The following TMEM117 variants were observed in gnomAD, a reference collection of about 807,000 sequenced individuals.
TMEM117 encodes transmembrane protein 117.
In TMEM117, 27 loss-of-function variants were observed where a neutral mutation model predicts 52.4. The ratio of observed to expected loss-of-function variants is 0.51; its 90% CI spans 0.38 to 0.71. The LOEUF is 0.71. Among genes scored for constraint, TMEM117 ranks in the 30% least tolerant of loss-of-function variants. TMEM117 has a pLI of 0.00. For synonymous variants in TMEM117, 215 were observed against 206.3 expected, an observed-to-expected ratio of 1.04 and a Z score of -0.36; for missense variants, 556 against 630.5, an observed-to-expected ratio of 0.88 and a Z score of 1.26.
At chr12:43,811,833 C>T in the TMEM117 span, among the ~76,000 whole-genome samples, 1 of 152,146 alleles carries the variant, frequency 6.6e-6, no homozygotes, top group Non-Finnish European at 1.5e-5. Flanking sequence ...AATAGAGAAG[C>T]AAATCAGCTG....
At chr12:44,150,924 C>A (rs1467107410) in intron 4 of TMEM117, among the ~76,000 whole-genome samples, 4 of 152,112 alleles carry the variant, frequency 2.6e-5, no homozygotes, top group African/African-American at 9.7e-5. Context: ...AAAATTCTGG[C>A]TTTCACTGTA....
chr12:44,301,411 G>T (rs780362815), intron 6 of TMEM117, among the ~76,000 whole-genome samples: 1 of 152,084 alleles, frequency 6.6e-6, no homozygotes, highest in Non-Finnish European at 1.5e-5. Flanking sequence ...TCATAACAAT[G>T]TAAAATGTTA....
chr12:44,102,679 T>C (rs923009865), intron 3 of TMEM117, among the ~76,000 whole-genome samples: 2 of 151,994 alleles, frequency 1.3e-5, no homozygotes, highest in Non-Finnish European at 2.9e-5. Flanking sequence ...TCTACCTATT[T>C]TTTTGGTCTT....
At chr12:44,117,048 C>A (rs930090685) in intron 3 of TMEM117, among the ~76,000 whole-genome samples, 1 of 152,178 alleles carries the variant, frequency 6.6e-6, no homozygotes, top group African/African-American at 2.4e-5. Context: ...AGTAAACTCT[C>A]TCCCTTGTAC....
chr12:44,348,910 A>T (rs1485394683), intron 6 of TMEM117, among the ~76,000 whole-genome samples: 2 of 151,978 alleles, frequency 1.3e-5, no homozygotes, highest in Admixed American at 1.3e-4. Context: ...ATTGAATGTC[A>T]GTCAGAGAGG....
intron 5 of TMEM117, among the ~76,000 whole-genome samples, chr12:44,281,445 A>G (rs943145822): frequency 6.6e-6 from 1 of 151,908 alleles, no homozygotes; most frequent in African/African-American, 2.4e-5. Flanking sequence ...TTGAGATGCA[A>G]CTCAGACATA....
In TMEM117 at chr12:43,936,699, G is replaced by A. The variant is rs553356997; in HGVS notation, c.278-7511G>A. Among the ~76,000 whole-genome samples, 121 of 152,236 alleles carry A rather than the reference G, an allele frequency of 7.9e-4. 2 individuals carry two copies. The highest frequency in any genetic ancestry group is 1.8e-3 in the Admixed American group (28 of 15,286). On this transcript the variant is annotated intron_variant, in intron 2 of 7. Transcript: ENST00000266534. Reference sequence around the variant, plus strand: ...CCAAGGAAGTAGTATCAAAAGAGACGGAGAACAACTGTTAGGTCAGATGCA... The same window carrying A: ...CCAAGGAAGTAGTATCAAAAGAGACAGAGAACAACTGTTAGGTCAGATGCA...
intron 3 of TMEM117, among the ~76,000 whole-genome samples, chr12:44,127,003 A>T (rs1048527106): frequency 2.6e-5 from 4 of 152,234 alleles, no homozygotes; most frequent in Non-Finnish European, 5.9e-5. Flanking sequence ...TTTCAGAAAT[A>T]TTGCGAAATC....
chr12:43,936,542 TGAA>T (rs1944954432), intron 2 of TMEM117, among the ~76,000 whole-genome samples: 1 of 152,108 alleles, frequency 6.6e-6, no homozygotes, highest in Non-Finnish European at 1.5e-5. Flanking sequence ...AGTGATATGA[TGAA>T]GACAAGGACT....
intron 3 of TMEM117, among the ~76,000 whole-genome samples, chr12:43,962,478 ATTTAAT>A (rs1366382001): frequency 3.3e-5 from 5 of 152,342 alleles, no homozygotes; most frequent in Admixed American, 3.3e-4. Flanking sequence ...TAATATCCTT[ATTTAAT>A]TTTAAGAACC....
chr12:44,186,786 A>C (rs1949283809), intron 4 of TMEM117, among the ~76,000 whole-genome samples: 1 of 152,190 alleles, frequency 6.6e-6, no homozygotes, highest in Non-Finnish European at 1.5e-5. Flanking sequence ...TATACATAAA[A>C]ATTTAGACCA....
rs536191018 is a variant in TMEM117 at position 44,094,415 on chromosome 12, A to G, written c.411-49110A>G. On this transcript the variant is annotated intron_variant, in intron 3 of 7. Transcript: ENST00000266534. ...TTGGAAATGTTTTGACACTTTACCC[A>G]GGAGCTTGCATTTATTAATAGTAAT... Among the ~76,000 whole-genome samples, 10 of 152,280 alleles carry G rather than the reference A, an allele frequency of 6.6e-5. No individual in the cohort carries two copies. The East Asian group carries it at 1.7e-3, about 26-fold the overall frequency.
the TMEM117 span, among the ~76,000 whole-genome samples, chr12:44,398,678 G>A: frequency 4.1e-4 from 62 of 152,186 alleles, no homozygotes; most frequent in Admixed American, 7.2e-4. Flanking sequence ...CTGGGACACC[G>A]CTGGATTTTG....
At chr12:43,846,972 G>A (rs117419897) in intron 2 of TMEM117, among the ~76,000 whole-genome samples, 1,640 of 152,066 alleles carry the variant, frequency 0.011, 19 homozygotes, top group East Asian at 0.046. Context: ...GTGCCTATAT[G>A]TATACAATGC....
chr12:43,833,264 G>A (rs377601768), upstream of TMEM117, among the ~76,000 whole-genome samples: 32 of 152,210 alleles, frequency 2.1e-4, no homozygotes, highest in African/African-American at 6.7e-4. Flanking sequence ...CAGACATTTC[G>A]GTTCTGATGA....
intron 4 of TMEM117, among the ~76,000 whole-genome samples, chr12:44,168,178 G>A (rs537311432): frequency 1.3e-5 from 2 of 152,000 alleles, no homozygotes; most frequent in South Asian, 2.1e-4. Flanking sequence ...CCTTGAACCC[G>A]GGAGGCGGAG....
intron 2 of TMEM117, among the ~76,000 whole-genome samples, chr12:43,940,507 C>T (rs1402583519): frequency 6.6e-6 from 1 of 152,064 alleles, no homozygotes; most frequent in African/African-American, 2.4e-5. Context: ...AGTTGTCTAC[C>T]TCTATTTTCC....
At chr12:44,201,599 G>C (rs1330247751) in intron 4 of TMEM117, among the ~76,000 whole-genome samples, 1 of 152,064 alleles carries the variant, frequency 6.6e-6, no homozygotes, top group African/African-American at 2.4e-5. Context: ...AATTTACCTG[G>C]AAAGATGGAA....
chr12:44,276,908 A>ATGTGTGTGTG (rs754059220), intron 5 of TMEM117, among the ~76,000 whole-genome samples: 166 of 143,726 alleles, frequency 1.2e-3, no homozygotes, highest in African/African-American at 3.9e-3. Context: ...GTGTGTGTGT[A>ATGTGTGTGTG]TGTGTGTGTG....
Sources: gnomAD v4.1 joint callset for allele counts (sites outside exome capture counted in the v4.1 genomes callset) on GRCh38, gnomAD v4.1.1 for gene constraint, MANE v1.5 for transcripts, NCBI Gene and HGNC (gene_info 2026-07-23, HGNC 2026-07-21) for gene names.